Variants in GALNT16 observed in about 807,000 individuals in gnomAD.
The protein encoded by GALNT16 is polypeptide N-acetylgalactosaminyltransferase 16.
A neutral mutation model predicts 76.1 loss-of-function variants in GALNT16; 40 were observed. The ratio of observed to expected loss-of-function variants is 0.53; its 90% CI spans 0.41 to 0.68. GALNT16 has a LOEUF of 0.68. Among genes scored for constraint, GALNT16 ranks in the 30% least tolerant of loss-of-function variants. The pLI is 0.00. For missense variants in GALNT16, 621 were observed against 731.9 expected (o/e 0.85, Z 1.75); for synonymous variants, 276 against 285.2 (o/e 0.97, Z 0.32).
At chr14:69,373,624 A>G in the GALNT16 span, among the ~76,000 whole-genome samples, 4 of 152,254 alleles carry the variant, frequency 2.6e-5, no homozygotes, top group African/African-American at 9.6e-5. Flanking sequence ...CATCTTTCTT[A>G]GGCTTACAAG....
the GALNT16 span, among the ~76,000 whole-genome samples, chr14:69,370,283 G>A: frequency 3.8e-4 from 58 of 152,314 alleles, no homozygotes; most frequent in African/African-American, 6.5e-4. Flanking sequence ...CAGACAAGTC[G>A]TCCTCAACAA....
chr14:69,347,895 C>T lies in GALNT16; in HGVS notation c.1432C>T (p.His478Tyr), dbSNP rs201756553. The T allele has an allele frequency of 9.2e-5, 149 of 1,613,850 alleles. No individual in the cohort carries two copies. The highest frequency in any genetic ancestry group is 1.2e-4 in the Non-Finnish European group (145 of 1,180,020). ...CTTGCAGGCATGGCTGTTCAGTGAC[C>T]ACCTCATCCAGCAGCAGGGGAAGTG... ...QPAQAWLFSD[H>Y]LIQQQGKCLA... The change falls in exon 14 of 15, where the codon CAC becomes TAC. Residue 478 changes from histidine (H) to tyrosine (Y), a missense_variant. Transcript: ENST00000448469.
intron 1 of GALNT16, among the ~76,000 whole-genome samples, chr14:69,315,466 C>T (rs2045086716): frequency 6.6e-6 from 1 of 152,240 alleles, no homozygotes; most frequent in Non-Finnish European, 1.5e-5. Flanking sequence ...CCCCAACCTT[C>T]CTTCCTCACC....
At chr14:69,286,552 C>T (rs1388082339) in intron 1 of GALNT16, among the ~76,000 whole-genome samples, 1 of 152,152 alleles carries the variant, frequency 6.6e-6, no homozygotes, top group East Asian at 1.9e-4. Context: ...AATCTGCCTG[C>T]CTCAGCCTTC....
At chr14:69,314,500 C>T (rs1190131583) in intron 1 of GALNT16, among the ~76,000 whole-genome samples, 2 of 152,256 alleles carry the variant, frequency 1.3e-5, no homozygotes, top group Non-Finnish European at 2.9e-5. Context: ...CAGGCCTCCC[C>T]TGTACCCAAC....
chr14:69,330,626 C>T (rs1566883473), intron 6 of GALNT16, among the ~76,000 whole-genome samples: 1 of 152,178 alleles, frequency 6.6e-6, no homozygotes, highest in Non-Finnish European at 1.5e-5. Context: ...TTATCCTGAT[C>T]TAGGGTGGGA....
At chr14:69,362,566 C>A in the GALNT16 span, among the ~76,000 whole-genome samples, 1 of 152,256 alleles carries the variant, frequency 6.6e-6, no homozygotes, top group African/African-American at 2.4e-5. Context: ...ATTGCTGTAG[C>A]TCTGGCCCAG....
intron 2 of GALNT16, among the ~76,000 whole-genome samples, chr14:69,324,061 G>T (rs35277540): frequency 0.29 from 44,728 of 151,786 alleles, 7,200 homozygotes; most frequent in East Asian, 0.56. Flanking sequence ...GGATGGCTGG[G>T]GAGGGAGGAA....
At chr14:69,341,836 A>C (rs1594865569) in intron 12 of GALNT16, 72 bp downstream of exon 12, 2 of 938,464 alleles carry the variant, frequency 2.1e-6, no homozygotes, top group Non-Finnish European at 3.4e-6. Context: ...CTTTGGTCCC[A>C]CCCCACCCTT....
rs1029790296 is a variant in GALNT16, at chr14:69,261,249, C to A, written c.177+782C>A. ...CGGGGCTGCGGGGGCCCTTGGCGCTCTGGGGACCCGGGCGGGGGCGTGCGG... is the reference window on the plus strand; with the variant it reads ...CGGGGCTGCGGGGGCCCTTGGCGCTATGGGGACCCGGGCGGGGGCGTGCGG... On this transcript the variant is annotated intron_variant, in intron 1 of 14. Coordinates refer to ENST00000448469, the MANE Select transcript of GALNT16 (RefSeq NM_001168368.2). This position sits in a 1 kb window ranked among gnomAD's most constrained non-coding sequence, Gnocchi z 6.4. Among the ~76,000 whole-genome samples the A allele has an allele frequency of 2.6e-5, 4 of 151,826 alleles. No individual in the cohort carries two copies. The highest frequency in any genetic ancestry group is 7.3e-5 in the African/African-American group (3 of 41,324).
At chr14:69,321,793 C>T (rs2140164507) in intron 2 of GALNT16, among the ~76,000 whole-genome samples, 1 of 152,374 alleles carries the variant, frequency 6.6e-6, no homozygotes, top group African/African-American at 2.4e-5. Flanking sequence ...GGTTGGGCCC[C>T]TCTTCTGTGC....
the GALNT16 span, chr14:69,380,632 G>C: frequency 6.2e-7 from 1 of 1,601,464 alleles, no homozygotes; most frequent in South Asian, 1.1e-5. Flanking sequence ...CTGGGTATCA[G>C]CTCGGTAACT....
In GALNT16 at chr14:69,261,059, G is replaced by T. The variant is rs1044538987; in HGVS notation, c.177+592G>T. Among the ~76,000 whole-genome samples the T allele has an allele frequency of 4.6e-5, 7 of 152,328 alleles. No homozygotes were observed. Among genetic ancestry groups the T allele is most frequent in the African/African-American group, 1.7e-4 (7 of 41,576 alleles). The stretch of plus-strand genomic sequence containing the variant: ...CCCGGAGTTCTCTGGGTTGAGGAGA[G>T]GTCTCGCACTGTACGCGTCTCTCAC... On this transcript the variant is annotated intron_variant, in intron 1 of 14. Coordinates refer to ENST00000448469, the MANE Select transcript of GALNT16 (RefSeq NM_001168368.2). The surrounding 1 kb of genome is among the most constrained non-coding windows in gnomAD (Gnocchi z 6.4).
chr14:69,382,844 G>A, the GALNT16 span, among the ~76,000 whole-genome samples: 1 of 150,226 alleles, frequency 6.7e-6, no homozygotes, highest in African/African-American at 2.4e-5. Flanking sequence ...GCTGTGTGTC[G>A]ATGGCTGTTA....
chr14:69,289,825 C>T (rs2044666382), intron 1 of GALNT16, among the ~76,000 whole-genome samples: 1 of 152,074 alleles, frequency 6.6e-6, no homozygotes, highest in Non-Finnish European at 1.5e-5. Context: ...CCTCTACCTC[C>T]CAGGTTCAAG....
At chr14:69,379,219 C>T in the GALNT16 span, among the ~76,000 whole-genome samples, 1 of 152,160 alleles carries the variant, frequency 6.6e-6, no homozygotes, top group Non-Finnish European at 1.5e-5. Flanking sequence ...GGATTATAGG[C>T]GTGAGCCACC....
At chr14:69,275,537 A>C (rs1451459144) in intron 1 of GALNT16, among the ~76,000 whole-genome samples, 2 of 152,236 alleles carry the variant, frequency 1.3e-5, no homozygotes, top group African/African-American at 4.8e-5. Flanking sequence ...GTGTGTGCGC[A>C]TGCGCACATA....
In GALNT16 at chr14:69,322,925, G is replaced by GGGTGTGT. The variant is rs797021875; in HGVS notation, c.336-1766_336-1765insGTGTGTG. Among the ~76,000 whole-genome samples, 28 of 103,852 alleles carry GGGTGTGT rather than the reference G, an allele frequency of 2.7e-4. No homozygotes were observed. The East Asian group carries it at 4.8e-3, about 18-fold the overall frequency. The allele number at this position is 103,852 out of a possible 152,430, so 68.1% of individuals were successfully genotyped here. The stretch of plus-strand genomic sequence containing the variant: ...AAAAGAAAGCTGAGGTGGCTCACGG[G>GGGTGTGT]GTGTGTGTGTGTGTGTGTGTGTGTG... On this transcript the variant is annotated intron_variant, in intron 2 of 14. Transcript: ENST00000448469.
chr14:69,323,632 T>TC (rs1388391620), intron 2 of GALNT16, among the ~76,000 whole-genome samples: 1 of 152,144 alleles, frequency 6.6e-6, no homozygotes, highest in African/African-American at 2.4e-5. Flanking sequence ...GCATGGTTTC[T>TC]CAAGGGGTAG....
Sources: gnomAD v4.1 joint callset for allele counts (sites outside exome capture counted in the v4.1 genomes callset) on GRCh38, gnomAD v4.1.1 for gene constraint, Gnocchi (gnomAD v3.1) non-coding constraint, MANE v1.5 for transcripts, NCBI Gene and HGNC (gene_info 2026-07-23, HGNC 2026-07-21) for gene names.